DYTN: variants seen among roughly 807,000 people sequenced by gnomAD.
DYTN encodes the protein dystrotelin.
Under a neutral mutation model 69.6 loss-of-function variants are expected in DYTN, and 75 were observed. The ratio of observed to expected loss-of-function variants is 1.08; its 90% CI spans 0.89 to 1.31. The LOEUF is 1.31. Ranked by LOEUF, DYTN falls within the 50% of genes most tolerant of loss-of-function variation. The pLI is 0.00. For missense variants in DYTN, 726 were observed against 688.4 expected (o/e 1.05, Z -0.61); for synonymous variants, 252 against 249.1 (o/e 1.01, Z -0.11).
chr2:206,680,849 A>G (rs1282760136), intron 9 of DYTN, among the ~76,000 whole-genome samples: 1 of 152,124 alleles, frequency 6.6e-6, no homozygotes, highest in African/African-American at 2.4e-5. Context: ...CATTCCCTCA[A>G]ACAAATGGGT....
rs1699954974 is a variant in DYTN at position 206,699,640 on chromosome 2, A to G, written c.719+87T>C. 3.4e-6 allele frequency: 5 copies of G among 1,451,086 alleles called. No homozygotes were observed. In the South Asian group the frequency reaches 7.6e-5, roughly 22 times the overall value. The allele number at this position is 1,451,086 out of a possible 1,614,324, so 89.9% of individuals were successfully genotyped here. On this transcript the variant is annotated intron_variant, in intron 7 of 11. Transcript: ENST00000452335. The stretch of plus-strand genomic sequence containing the variant: ...ACTGAATTTCAGATGTGTAAGGAGG[A>G]CCCCAAAAAGAATCTGAAGGGATGC...
chr2:206,659,164 C>T lies in DYTN; in HGVS notation c.1633+3739G>A, dbSNP rs375890607. Among the ~76,000 whole-genome samples, 397 of 54,300 alleles carry T rather than the reference C, an allele frequency of 7.3e-3. 18 individuals carry two copies. The highest frequency in any genetic ancestry group is 0.045 in the Middle Eastern group (4 of 88). 35.6% of individuals were successfully genotyped at this position (54,300 alleles called of 152,430 possible). ...CTTTTCCGTTAAGTTCTCACAGTCTCTTTTTTTTTTTTTTTTTTTTTTTTT... is the reference window on the plus strand; with the variant it reads ...CTTTTCCGTTAAGTTCTCACAGTCTTTTTTTTTTTTTTTTTTTTTTTTTTT... On this transcript the variant is annotated intron_variant, in intron 11 of 11. Transcript: ENST00000452335.
chr2:206,678,476 T>C (rs1699715844), intron 9 of DYTN, among the ~76,000 whole-genome samples: 1 of 152,214 alleles, frequency 6.6e-6, no homozygotes, highest in South Asian at 2.1e-4. Context: ...ATTGGAGATG[T>C]TTACAAAGAA....
chr2:206,667,489 T>C (rs955115110), intron 9 of DYTN, among the ~76,000 whole-genome samples: 1 of 152,168 alleles, frequency 6.6e-6, no homozygotes, highest in Non-Finnish European at 1.5e-5. Flanking sequence ...TCCTCCAGCA[T>C]GGCCAAACTC....
chr2:206,677,437 CA>C (rs57660536), intron 9 of DYTN, among the ~76,000 whole-genome samples: 21,147 of 151,806 alleles, frequency 0.14, 2,456 homozygotes, highest in African/African-American at 0.32. Context: ...TCTAAAATGA[CA>C]AATTTTTTGG....
intron 8 of DYTN, 148 bp downstream of exon 8, chr2:206,694,618 G>A (rs1306401914): frequency 1.9e-6 from 1 of 522,938 alleles, no homozygotes; most frequent in Non-Finnish European, 3.2e-6. Context: ...AGATATTCAA[G>A]GTGGAGTTTG....
rs10673463 is a variant in DYTN, at chr2:206,685,143, CTTATTTATTTAT to C, written c.980+8020_980+8031del. Among the ~76,000 whole-genome samples, 101 of 145,802 alleles carry C rather than the reference CTTATTTATTTAT, an allele frequency of 6.9e-4. 1 individual carries two copies. In the Middle Eastern group the frequency reaches 0.01, roughly 15 times the overall value. The stretch of plus-strand genomic sequence containing the variant: ...GCAATTAGTGTGCAAAGTAGCATGG[CTTATTTATTTAT>C]TTATTTATTTATTTATTTATTTATT... On this transcript the variant is annotated intron_variant, in intron 9 of 11. Coordinates refer to ENST00000452335, the MANE Select transcript of DYTN (RefSeq NM_001093730.1).
At chr2:206,655,459 G>C (rs1699437306) in intron 11 of DYTN, among the ~76,000 whole-genome samples, 1 of 151,980 alleles carries the variant, frequency 6.6e-6, no homozygotes, top group African/African-American at 2.4e-5. Flanking sequence ...ACCCAGGCTG[G>C]AGTGCAGTGG....
intron 9 of DYTN, among the ~76,000 whole-genome samples, chr2:206,675,259 G>A (rs1033322410): frequency 1.4e-5 from 2 of 139,068 alleles, no homozygotes; most frequent in Non-Finnish European, 3.0e-5. Flanking sequence ...ACATATATAT[G>A]TGTATATATG....
chr2:206,691,641 G>A (rs1353722381), intron 9 of DYTN, among the ~76,000 whole-genome samples: 1 of 152,072 alleles, frequency 6.6e-6, no homozygotes, highest in Non-Finnish European at 1.5e-5. Flanking sequence ...TATACATCAA[G>A]ATGATATCCA....
At chr2:206,701,451 C>T (rs993451225) in intron 5 of DYTN, among the ~76,000 whole-genome samples, 1 of 152,136 alleles carries the variant, frequency 6.6e-6, no homozygotes, top group East Asian at 1.9e-4. Flanking sequence ...GAATAGTACT[C>T]AGCCTTAGGA....
intron 11 of DYTN, among the ~76,000 whole-genome samples, chr2:206,655,619 T>C (rs956014077): frequency 3.3e-5 from 5 of 150,916 alleles, no homozygotes; most frequent in Non-Finnish European, 7.4e-5. Flanking sequence ...AGATAGGGTC[T>C]TGACAAGTTG....
At position 206,699,909 on chromosome 2, in the gene DYTN, C is replaced by G. The variant is rs1156753119; in HGVS notation, c.556-19G>C. 6.2e-7 allele frequency: 1 copy of G among 1,605,914 alleles called. No homozygotes were observed. The highest frequency in any genetic ancestry group is 1.3e-5 in the African/African-American group (1 of 74,568). ...TCAACACCTGAAAAACAATGGCACT[C>G]TAAGATGTGTTTTTAGGCACGACTT... On this transcript the variant is annotated intron_variant, in intron 6 of 11. Coordinates refer to ENST00000452335, the MANE Select transcript of DYTN (RefSeq NM_001093730.1).
chr2:206,654,080 A>G (rs923641260), intron 11 of DYTN, among the ~76,000 whole-genome samples: 1 of 152,224 alleles, frequency 6.6e-6, no homozygotes, highest in African/African-American at 2.4e-5. Context: ...TGAATGAATG[A>G]ATTAGCGATT....
At chr2:206,675,113 A>ATGTGTGTGTGTGTGTGTG (rs879629081) in intron 9 of DYTN, among the ~76,000 whole-genome samples, 11 of 122,672 alleles carry the variant, frequency 9.0e-5, no homozygotes, top group East Asian at 4.7e-4. Context: ...ACATATATAT[A>ATGTGTGTGTGTGTGTGTG]TATGTGTGTG....
chr2:206,690,404 T>C (rs1463243087), intron 9 of DYTN, among the ~76,000 whole-genome samples: 4 of 152,202 alleles, frequency 2.6e-5, no homozygotes, highest in Non-Finnish European at 5.9e-5. Context: ...GGACTGTGAC[T>C]TTCTTGGAAG....
chr2:206,670,899 A>G (rs1179146206), intron 9 of DYTN, among the ~76,000 whole-genome samples: 2 of 152,230 alleles, frequency 1.3e-5, no homozygotes, highest in African/African-American at 4.8e-5. Context: ...CCCTTGGCTT[A>G]GGAAGTCTCT....
At chr2:206,703,471 G>A (rs1377084322) in intron 5 of DYTN, among the ~76,000 whole-genome samples, 1 of 151,948 alleles carries the variant, frequency 6.6e-6, no homozygotes, top group African/African-American at 2.4e-5. Flanking sequence ...GCAACTACCA[G>A]TGCAGCTCAG....
intron 9 of DYTN, among the ~76,000 whole-genome samples, chr2:206,675,085 A>ATATTT (rs1699668850): frequency 6.7e-6 from 1 of 148,754 alleles, no homozygotes; most frequent in Non-Finnish European, 1.5e-5. Context: ...AAGAGGTTTA[A>ATATTT]ATATTGGAGG....
Sources: allele counts gnomAD v4.1 joint callset (sites outside exome capture counted in the v4.1 genomes callset), GRCh38; gene constraint gnomAD v4.1.1; transcripts MANE v1.5; gene names NCBI Gene and HGNC (gene_info 2026-07-23, HGNC 2026-07-21).